Variants in GABRG3 observed in about 807,000 individuals in gnomAD.
GABRG3 encodes gamma-aminobutyric acid type A receptor subunit gamma3, also known as gamma-aminobutyric acid receptor subunit gamma-3.
A neutral mutation model predicts 48.8 loss-of-function variants in GABRG3; 25 were observed. That is an observed-to-expected ratio of 0.51 (90% CI 0.37 to 0.72). The LOEUF is 0.72. Among genes scored for constraint, GABRG3 ranks in the 30% least tolerant of loss-of-function variants. The pLI, the probability that GABRG3 is intolerant of heterozygous loss-of-function variation, is 0.00. For missense variants in GABRG3, 394 were observed against 577.9 expected, an observed-to-expected ratio of 0.68 and a Z score of 3.26; for synonymous variants, 227 against 217.6, an observed-to-expected ratio of 1.04 and a Z score of -0.38.
chr15:27,474,790 C>A (rs2150842067), intron 5 of GABRG3, among the ~76,000 whole-genome samples: 1 of 152,196 alleles, frequency 6.6e-6, no homozygotes, highest in South Asian at 2.1e-4. Flanking sequence ...AGACAATAAG[C>A]AGTTTGGAAA....
At chr15:27,080,217 A>C (rs559007792) in intron 3 of GABRG3, among the ~76,000 whole-genome samples, 1 of 152,308 alleles carries the variant, frequency 6.6e-6, no homozygotes, top group South Asian at 2.1e-4. Flanking sequence ...TGGGAAACTG[A>C]GGCAGGAGGA....
rs889105507 is a variant in GABRG3 at position 27,343,325 on chromosome 15, G to A, written c.574+14437G>A. Among the ~76,000 whole-genome samples, 6 of 152,312 alleles carry A rather than the reference G, an allele frequency of 3.9e-5. 1 individual carries two copies. The highest frequency in any genetic ancestry group is 4.2e-4 in the South Asian group (2 of 4,818). ...TCAAACAGACCTGTGCTTTGTTGCC[G>A]ATTTAACAGCATGAAATGATAGAAA... On this transcript the variant is annotated intron_variant, in intron 5 of 9. Transcript: ENST00000615808.
intron 3 of GABRG3, among the ~76,000 whole-genome samples, chr15:27,153,010 G>A (rs1898348038): frequency 2.0e-5 from 3 of 151,946 alleles, no homozygotes; most frequent in Admixed American, 2.0e-4. Flanking sequence ...ACAGGCACCC[G>A]CCACCACTCC....
chr15:27,328,161 A>G (rs1893683488), intron 4 of GABRG3, among the ~76,000 whole-genome samples: 1 of 151,702 alleles, frequency 6.6e-6, no homozygotes, highest in South Asian at 2.1e-4. Context: ...GCTGGGAACC[A>G]TGCTGATGAA....
chr15:27,431,773 T>C (rs1042011245), intron 5 of GABRG3, among the ~76,000 whole-genome samples: 4 of 152,212 alleles, frequency 2.6e-5, no homozygotes, highest in Non-Finnish European at 5.9e-5. Context: ...GATGATGATG[T>C]TATTTTTATC....
At chr15:27,022,805 C>A (rs1895920518) in intron 2 of GABRG3, among the ~76,000 whole-genome samples, 1 of 152,134 alleles carries the variant, frequency 6.6e-6, no homozygotes. Context: ...AGCCCTCCAC[C>A]AAGCTCTCCT....
At chr15:27,320,320 G>T (rs577557951) in intron 3 of GABRG3, among the ~76,000 whole-genome samples, 19 of 152,248 alleles carry the variant, frequency 1.2e-4, no homozygotes, top group African/African-American at 3.9e-4. Flanking sequence ...TCCAAACAAG[G>T]TTAGTGGAAT....
intron 5 of GABRG3, among the ~76,000 whole-genome samples, chr15:27,469,808 A>G (rs143168208): frequency 6.6e-6 from 1 of 152,338 alleles, no homozygotes; most frequent in East Asian, 1.9e-4. Flanking sequence ...AGTTAATTCT[A>G]GAACTTTGCT....
intron 5 of GABRG3, among the ~76,000 whole-genome samples, chr15:27,415,058 G>A (rs1887901528): frequency 6.6e-6 from 1 of 152,094 alleles, no homozygotes; most frequent in Non-Finnish European, 1.5e-5. Context: ...AAATTATCAA[G>A]TCAATATTTT....
chr15:27,119,451 G>A (rs1273174397), intron 3 of GABRG3, among the ~76,000 whole-genome samples: 2 of 152,190 alleles, frequency 1.3e-5, no homozygotes, highest in South Asian at 2.1e-4. Context: ...TCCTGTAGAC[G>A]TGGTTAGTTT....
Position 27,306,337 on chromosome 15 carries a change from A to ATAT in GABRG3, c.271-20472_271-20471insTAT, listed in dbSNP as rs1566767809. 1.6e-4 allele frequency among the ~76,000 whole-genome samples: 21 copies of ATAT among 128,146 alleles called. 1 individual carries two copies. Among genetic ancestry groups the ATAT allele is most frequent in the Non-Finnish European group, 1.8e-4 (11 of 60,456 alleles). 84.1% of individuals were successfully genotyped at this position (128,146 alleles called of 152,430 possible). ...ATAAACATGTCTATATATAAACATA[A>ATAT]AATATAAACATGTCTACATATAAAC... is the stretch of plus-strand genomic sequence containing the variant. On this transcript the variant is annotated intron_variant, in intron 3 of 9. Transcript: ENST00000615808.
chr15:27,479,674 T>C (rs1890048758), intron 5 of GABRG3, among the ~76,000 whole-genome samples: 1 of 152,256 alleles, frequency 6.6e-6, no homozygotes, highest in Admixed American at 6.5e-5. Flanking sequence ...CATACATTTC[T>C]TCCAGAGCCA....
chr15:27,491,627 G>A (rs1331511950), intron 6 of GABRG3, among the ~76,000 whole-genome samples: 1 of 152,106 alleles, frequency 6.6e-6, no homozygotes, highest in East Asian at 1.9e-4. Context: ...ATATACTTGT[G>A]TTCAGTTAGT....
rs1190641009 is a variant in GABRG3 at position 27,521,937 on chromosome 15, G to T, written c.865+1813G>T. Reference sequence around the variant, plus strand: ...GATAGTTAAAAGCAGAATAAGAAGAGAAAAAGAATGAGGACAAATATTTTT... The same window carrying T: ...GATAGTTAAAAGCAGAATAAGAAGATAAAAAGAATGAGGACAAATATTTTT... On this transcript the variant is annotated intron_variant, in intron 7 of 9. Transcript: ENST00000615808. 1.3e-5 allele frequency among the ~76,000 whole-genome samples: 2 copies of T among 151,896 alleles called. 1 individual carries two copies. The highest frequency in any genetic ancestry group is 4.8e-5 in the African/African-American group (2 of 41,434).
intron 6 of GABRG3, among the ~76,000 whole-genome samples, chr15:27,488,792 A>G (rs1890278339): frequency 6.6e-6 from 1 of 152,146 alleles, no homozygotes; most frequent in African/African-American, 2.4e-5. Flanking sequence ...AGGAGTGAAG[A>G]TATTGTTTTG....
intron 3 of GABRG3, among the ~76,000 whole-genome samples, chr15:27,041,375 G>T (rs1350138433): frequency 6.6e-6 from 1 of 152,058 alleles, no homozygotes; most frequent in Non-Finnish European, 1.5e-5. Context: ...TAGAGGCAGG[G>T]TTTTCCCATG....
intron 2 of GABRG3, among the ~76,000 whole-genome samples, chr15:27,025,182 G>T (rs1470452488): frequency 3.9e-5 from 6 of 152,100 alleles, no homozygotes; most frequent in Admixed American, 6.5e-5. Context: ...CTCACTGCAA[G>T]CTGTTAAGGC....
intron 3 of GABRG3, among the ~76,000 whole-genome samples, chr15:27,047,083 T>C (rs2140706150): frequency 6.6e-6 from 1 of 152,330 alleles, no homozygotes; most frequent in South Asian, 2.1e-4. Flanking sequence ...GTTGCATAAT[T>C]TTTCATGCTG....
At chr15:27,208,524 A>G in intron 3 of GABRG3, 1 of 181,636 alleles carries the variant, frequency 5.5e-6, no homozygotes, top group South Asian at 1.2e-4. Context: ...TTGCCCATGT[A>G]AATCTTCAGG....
Sources: gnomAD v4.1 joint callset for allele counts (sites outside exome capture counted in the v4.1 genomes callset) on GRCh38, gnomAD v4.1.1 for gene constraint, MANE v1.5 for transcripts, NCBI Gene and HGNC (gene_info 2026-07-23, HGNC 2026-07-21) for gene names.